Variants in GRM7 observed in about 807,000 individuals in gnomAD.
The protein encoded by GRM7 is metabotropic glutamate receptor 7.
A neutral mutation model predicts 84.5 loss-of-function variants in GRM7; 35 were observed. The ratio of observed to expected loss-of-function variants is 0.41; its 90% CI spans 0.32 to 0.55. The LOEUF (loss-of-function observed/expected upper bound fraction) is 0.55. Among genes scored for constraint, GRM7 ranks in the 20% least tolerant of loss-of-function variants. The pLI is 0.19. For missense variants in GRM7, 1,003 were observed against 1,194.6 expected, an observed-to-expected ratio of 0.84 and a Z score of 2.36; for synonymous variants, 487 against 455.1, an observed-to-expected ratio of 1.07 and a Z score of -0.89.
chr3:6,901,637 A>AAAAAAAAAAC (rs1696390849), intron 1 of GRM7, among the ~76,000 whole-genome samples: 1 of 133,204 alleles, frequency 7.5e-6, no homozygotes, highest in Non-Finnish European at 1.6e-5. Flanking sequence ...AAAAAAAAAA[A>AAAAAAAAAAC]TATGTAGAAT....
intron 5 of GRM7, among the ~76,000 whole-genome samples, chr3:7,419,612 G>A (rs1696314211): frequency 2.0e-5 from 3 of 152,108 alleles, no homozygotes; most frequent in Admixed American, 6.6e-5. Context: ...GTTTGCCTAT[G>A]ACTGGGCAAC....
At chr3:7,625,210 G>A (rs1384534538) in intron 8 of GRM7, among the ~76,000 whole-genome samples, 1 of 152,102 alleles carries the variant, frequency 6.6e-6, no homozygotes, top group East Asian at 1.9e-4. Context: ...ATATTGTACT[G>A]AGGCCAGCAA....
chr3:7,101,186 T>A lies in GRM7; in HGVS notation c.520-45266T>A, dbSNP rs1699097789. On this transcript the variant is annotated intron_variant, in intron 1 of 9. Coordinates refer to ENST00000357716, the MANE Select transcript of GRM7 (RefSeq NM_000844.4). ...TTATTAAAAACTCCCAAACTGTTAT[T>A]CAAAATAGTTGTACCATTTTTTTAT... Among the ~76,000 whole-genome samples the A allele has an allele frequency of 2.0e-5, 3 of 151,792 alleles. No homozygotes were observed. The South Asian group carries it at 6.2e-4, about 31-fold the overall frequency.
At chr3:7,315,003 A>G (rs1389629583) in intron 4 of GRM7, among the ~76,000 whole-genome samples, 1 of 151,726 alleles carries the variant, frequency 6.6e-6, no homozygotes, top group Non-Finnish European at 1.5e-5. Context: ...ATTCTTTGTC[A>G]TGTGTGATTA....
At position 7,084,747 on chromosome 3, in the gene GRM7, G is replaced by A. The variant is rs559410015; in HGVS notation, c.520-61705G>A. Among the ~76,000 whole-genome samples, 23 of 152,238 alleles carry A rather than the reference G, an allele frequency of 1.5e-4. No individual in the cohort carries two copies. The South Asian group carries it at 3.3e-3, about 22-fold the overall frequency. The stretch of plus-strand genomic sequence containing the variant: ...AATAAATCAGTTTTAGTTGTTGTAC[G>A]TAGACTTATATATTGTTATTCAGGA... On this transcript the variant is annotated intron_variant, in intron 1 of 9. Coordinates refer to ENST00000357716, the MANE Select transcript of GRM7 (RefSeq NM_000844.4).
At chr3:6,879,153 C>A (rs1341138125) in intron 1 of GRM7, among the ~76,000 whole-genome samples, 1 of 151,586 alleles carries the variant, frequency 6.6e-6, no homozygotes, top group African/African-American at 2.4e-5. Flanking sequence ...ATACGTAAGT[C>A]CTACTTAATG....
At chr3:7,009,103 A>G (rs767486387) in intron 1 of GRM7, among the ~76,000 whole-genome samples, 19 of 152,210 alleles carry the variant, frequency 1.2e-4, no homozygotes, top group Non-Finnish European at 2.5e-4. Context: ...CTTTATCTCA[A>G]GACAAATAGA....
At chr3:7,326,042 C>G (rs1270447828) in intron 4 of GRM7, among the ~76,000 whole-genome samples, 7 of 148,668 alleles carry the variant, frequency 4.7e-5, no homozygotes, top group African/African-American at 1.7e-4. Context: ...CCCTTCTACA[C>G]CTCCCCGCCC....
intron 7 of GRM7, among the ~76,000 whole-genome samples, chr3:7,540,567 GA>G (rs1247786761): frequency 2.0e-5 from 3 of 152,174 alleles, no homozygotes; most frequent in African/African-American, 7.2e-5. Context: ...GGACTAAGGT[GA>G]AATGAGAATG....
intron 8 of GRM7, among the ~76,000 whole-genome samples, chr3:7,616,255 A>G (rs1193036138): frequency 6.6e-6 from 1 of 152,088 alleles, no homozygotes; most frequent in Admixed American, 6.6e-5. Flanking sequence ...AAAACTACAC[A>G]ATTCTTTAAA....
chr3:7,398,005 C>T (rs1040934160), intron 4 of GRM7, among the ~76,000 whole-genome samples: 5 of 151,032 alleles, frequency 3.3e-5, no homozygotes, highest in Non-Finnish European at 7.4e-5. Context: ...GAAACACCAA[C>T]CCCCCACCAA....
intron 2 of GRM7, among the ~76,000 whole-genome samples, chr3:7,258,397 T>G (rs1425535081): frequency 6.6e-6 from 1 of 152,048 alleles, no homozygotes; most frequent in African/African-American, 2.4e-5. Context: ...GCCTGGGGTG[T>G]AAAGAGGTAA....
chr3:7,508,638 C>T (rs1040332882), intron 7 of GRM7, among the ~76,000 whole-genome samples: 10 of 152,082 alleles, frequency 6.6e-5, no homozygotes, highest in African/African-American at 2.4e-4. Context: ...ATCATTTAAG[C>T]TAGTTTGTTT....
intron 9 of GRM7, among the ~76,000 whole-genome samples, chr3:7,712,840 G>C (rs994857652): frequency 5.3e-5 from 8 of 152,144 alleles, no homozygotes; most frequent in African/African-American, 1.9e-4. Context: ...TCTGAAGCCT[G>C]TAGTAGAGGT....
intron 1 of GRM7, among the ~76,000 whole-genome samples, chr3:6,916,195 G>A (rs762251010): frequency 6.6e-6 from 1 of 152,162 alleles, no homozygotes; most frequent in Non-Finnish European, 1.5e-5. Flanking sequence ...AACAGACAGA[G>A]CTCATGTAGT....
intron 2 of GRM7, among the ~76,000 whole-genome samples, chr3:7,220,198 A>G (rs911633180): frequency 2.6e-5 from 4 of 152,218 alleles, no homozygotes; most frequent in African/African-American, 7.2e-5. Context: ...TGGGCTACAC[A>G]TGGTGACTTC....
intron 9 of GRM7, among the ~76,000 whole-genome samples, chr3:7,724,089 C>G (rs1271457599): frequency 6.6e-6 from 1 of 152,078 alleles, no homozygotes; most frequent in East Asian, 1.9e-4. Flanking sequence ...CTGTTGTGAG[C>G]CTGATATGTC....
intron 1 of GRM7, among the ~76,000 whole-genome samples, chr3:6,913,638 AC>A (rs745361500): frequency 1.3e-5 from 2 of 152,106 alleles, no homozygotes; most frequent in Non-Finnish European, 2.9e-5. Context: ...GTTATAATAA[AC>A]CTTTTGGTTT....
chr3:7,200,207 T>C (rs1411982842), intron 2 of GRM7, among the ~76,000 whole-genome samples: 3 of 152,040 alleles, frequency 2.0e-5, no homozygotes. Context: ...TGAGGGATTT[T>C]CCCCCATAAT....
Sources: gnomAD v4.1 joint callset for allele counts (sites outside exome capture counted in the v4.1 genomes callset) on GRCh38, gnomAD v4.1.1 for gene constraint, MANE v1.5 for transcripts, NCBI Gene and HGNC (gene_info 2026-07-23, HGNC 2026-07-21) for gene names.